PDZRN4: variants seen among roughly 807,000 people sequenced by gnomAD.
PDZRN4 encodes the protein PDZ domain containing ring finger 4, also known as PDZ domain-containing RING finger protein 4.
Under a neutral mutation model 99.0 loss-of-function variants are expected in PDZRN4, and 70 were observed. The observed-to-expected ratio is 0.71, with a 90% CI of 0.58 to 0.86. PDZRN4 has a LOEUF of 0.86. Ranked by LOEUF, PDZRN4 falls within the 40% of genes least tolerant of loss-of-function variation. The pLI is 0.00. For missense variants in PDZRN4, 1,474 were observed against 1,331.2 expected, an observed-to-expected ratio of 1.11 and a Z score of -1.67; for synonymous variants, 551 against 501.6, an observed-to-expected ratio of 1.10 and a Z score of -1.32.
At chr12:41,312,912 G>A (rs1053345541) in intron 3 of PDZRN4, among the ~76,000 whole-genome samples, 16 of 152,252 alleles carry the variant, frequency 1.1e-4, no homozygotes, top group East Asian at 9.7e-4. Context: ...TCCAGTGTCC[G>A]TTATGGCCAA....
intron 3 of PDZRN4, among the ~76,000 whole-genome samples, chr12:41,240,070 C>T (rs985435538): frequency 2.4e-4 from 36 of 152,118 alleles, no homozygotes; most frequent in Admixed American, 1.2e-3. Flanking sequence ...GCTGAAAATG[C>T]GGCAAATTGT....
intron 3 of PDZRN4, among the ~76,000 whole-genome samples, chr12:41,312,981 C>T (rs1195826695): frequency 6.6e-6 from 1 of 152,204 alleles, no homozygotes; most frequent in Admixed American, 6.5e-5. Flanking sequence ...CAGGCATCTC[C>T]GTCTGGATGT....
intron 3 of PDZRN4, among the ~76,000 whole-genome samples, chr12:41,211,520 A>C (rs900895393): frequency 1.3e-5 from 2 of 151,874 alleles, no homozygotes; most frequent in Non-Finnish European, 2.9e-5. Context: ...TGAGGTGCTC[A>C]TGTATTATCA....
chr12:41,423,124 A>T (rs745945194), intron 3 of PDZRN4, among the ~76,000 whole-genome samples: 10 of 151,958 alleles, frequency 6.6e-5, no homozygotes, highest in Non-Finnish European at 2.9e-5. Context: ...TTTAAGTTAG[A>T]TAAATCTTTT....
At chr12:41,403,866 A>G (rs992084648) in intron 3 of PDZRN4, among the ~76,000 whole-genome samples, 3 of 152,188 alleles carry the variant, frequency 2.0e-5, no homozygotes, top group Non-Finnish European at 2.9e-5. Context: ...CAAACAAAAT[A>G]TAAACCCAAT....
intron 3 of PDZRN4, among the ~76,000 whole-genome samples, chr12:41,377,971 A>G (rs897189579): frequency 5.9e-5 from 9 of 152,072 alleles, no homozygotes; most frequent in African/African-American, 2.2e-4. Flanking sequence ...GATGCCATGT[A>G]TTTCTTCTTC....
chr12:41,567,007 G>A (rs1299104756), intron 8 of PDZRN4, among the ~76,000 whole-genome samples: 5 of 152,082 alleles, frequency 3.3e-5, no homozygotes, highest in Non-Finnish European at 5.9e-5. Context: ...TTGAAAAGCC[G>A]AAGGGATTTG....
In PDZRN4 at chr12:41,286,212, G is replaced by A. The variant is rs1951421105; in HGVS notation, c.843+92024G>A. ...TTAAGTATGCTGGTATATTAAAAGTGTACATGTTTGAAAAAAAACAGCAAC... is the reference window on the plus strand; with the variant it reads ...TTAAGTATGCTGGTATATTAAAAGTATACATGTTTGAAAAAAAACAGCAAC... On this transcript the variant is annotated intron_variant, in intron 3 of 9. Coordinates refer to ENST00000402685, the MANE Select transcript of PDZRN4 (RefSeq NM_001164595.2). 9.9e-5 allele frequency among the ~76,000 whole-genome samples: 15 copies of A among 151,344 alleles called. No homozygotes were observed. The South Asian group carries it at 2.5e-3, about 25-fold the overall frequency.
At chr12:41,277,764 G>A (rs558467324) in intron 3 of PDZRN4, among the ~76,000 whole-genome samples, 1 of 152,250 alleles carries the variant, frequency 6.6e-6, no homozygotes, top group South Asian at 2.1e-4. Flanking sequence ...TTGGTGTGTA[G>A]GAAAAGTAAT....
chr12:41,543,581 T>A (rs1359155833), intron 5 of PDZRN4, among the ~76,000 whole-genome samples: 3 of 152,190 alleles, frequency 2.0e-5, no homozygotes, highest in Non-Finnish European at 2.9e-5. Context: ...AGGTTTATTG[T>A]TTTAGATATA....
intron 3 of PDZRN4, among the ~76,000 whole-genome samples, chr12:41,195,992 A>T (rs1003129438): frequency 1.3e-5 from 2 of 152,202 alleles, no homozygotes; most frequent in Non-Finnish European, 2.9e-5. Flanking sequence ...AATTTAAAAA[A>T]TAACTTATTC....
At chr12:41,373,799 T>C (rs1952060769) in intron 3 of PDZRN4, among the ~76,000 whole-genome samples, 1 of 152,114 alleles carries the variant, frequency 6.6e-6, no homozygotes, top group South Asian at 2.1e-4. Context: ...GGGGAAGTGA[T>C]AAGTGTCCAT....
At chr12:41,387,816 T>A (rs761344574) in intron 3 of PDZRN4, among the ~76,000 whole-genome samples, 2 of 152,246 alleles carry the variant, frequency 1.3e-5, no homozygotes. Context: ...GGAACACTTA[T>A]ACACTGACGG....
At chr12:41,346,857 A>T (rs1279055691) in intron 3 of PDZRN4, among the ~76,000 whole-genome samples, 1 of 152,170 alleles carries the variant, frequency 6.6e-6, no homozygotes, top group Non-Finnish European at 1.5e-5. Flanking sequence ...TTGTCTCTAT[A>T]GATTTGCCTA....
intron 3 of PDZRN4, among the ~76,000 whole-genome samples, chr12:41,341,164 A>AT (rs1951813741): frequency 8.0e-5 from 3 of 37,610 alleles, no homozygotes; most frequent in Admixed American, 4.0e-4. Flanking sequence ...TCCTTTCATG[A>AT]TAAAAAAAAA....
chr12:41,407,425 A>G (rs1952357994), intron 3 of PDZRN4, among the ~76,000 whole-genome samples: 1 of 152,198 alleles, frequency 6.6e-6, no homozygotes, highest in South Asian at 2.1e-4. Flanking sequence ...CTGGCTGGAT[A>G]ACCCATTTGG....
At chr12:41,197,974 G>A (rs1475454599) in intron 3 of PDZRN4, among the ~76,000 whole-genome samples, 2 of 130,740 alleles carry the variant, frequency 1.5e-5, no homozygotes, top group Non-Finnish European at 3.1e-5. Context: ...GAATGCAGTG[G>A]CATGATCACA....
chr12:41,267,845 G>GAAAC (rs1169248016), intron 3 of PDZRN4, among the ~76,000 whole-genome samples: 1 of 151,920 alleles, frequency 6.6e-6, no homozygotes, highest in South Asian at 2.1e-4. Flanking sequence ...GTCTCAAAAT[G>GAAAC]AAACAAACAA....
At chr12:41,533,618 C>A (rs1938700682) in intron 5 of PDZRN4, among the ~76,000 whole-genome samples, 1 of 152,126 alleles carries the variant, frequency 6.6e-6, no homozygotes, top group Non-Finnish European at 1.5e-5. Flanking sequence ...TTACTTTCAA[C>A]TTTTCTGAAT....
Sources: gnomAD v4.1 joint callset for allele counts (sites outside exome capture counted in the v4.1 genomes callset) on GRCh38, gnomAD v4.1.1 for gene constraint, MANE v1.5 for transcripts, NCBI Gene and HGNC (gene_info 2026-07-23, HGNC 2026-07-21) for gene names.